The following PPARGC1A variants were observed in gnomAD, a reference collection of about 807,000 sequenced individuals.
PPARGC1A encodes peroxisome proliferator-activated receptor gamma coactivator 1-alpha.
Under a neutral mutation model 88.7 loss-of-function variants are expected in PPARGC1A, and 25 were observed. That is an observed-to-expected ratio of 0.28 (90% CI 0.21 to 0.39). PPARGC1A has a LOEUF of 0.39. PPARGC1A is among the 10% of genes least tolerant of loss of function. The pLI is 1.00. For missense variants in PPARGC1A, 880 were observed against 968.7 expected (o/e 0.91, Z 1.22); for synonymous variants, 363 against 355.6 (o/e 1.02, Z -0.24).
At chr4:24,310,272 C>T in the PPARGC1A span, among the ~76,000 whole-genome samples, 1 of 152,084 alleles carries the variant, frequency 6.6e-6, no homozygotes, top group Non-Finnish European at 1.5e-5. Context: ...AAGTTTCTCA[C>T]CTAGGATCAA....
the PPARGC1A span, among the ~76,000 whole-genome samples, chr4:24,288,663 C>T: frequency 6.6e-6 from 1 of 151,660 alleles, no homozygotes; most frequent in Admixed American, 6.6e-5. Context: ...AACAAAAGTG[C>T]AAATACAAAT....
intron 1 of PPARGC1A, chr4:23,888,920 T>G (rs1717358621): frequency 1.0e-6 from 1 of 983,972 alleles, no homozygotes; most frequent in Admixed American, 6.1e-5. Context: ...TCCATGCAAT[T>G]CAATTCGAGT....
At chr4:24,414,952 G>A in the PPARGC1A span, among the ~76,000 whole-genome samples, 5 of 152,282 alleles carry the variant, frequency 3.3e-5, no homozygotes, top group African/African-American at 1.2e-4. Context: ...CACTTTGGGA[G>A]GCCGAGGCAG....
chr4:24,235,517 C>T, the PPARGC1A span, among the ~76,000 whole-genome samples: 5 of 151,962 alleles, frequency 3.3e-5, no homozygotes, highest in Non-Finnish European at 7.4e-5. Flanking sequence ...CCTAAAGTAG[C>T]ACTGATGTTT....
chr4:24,392,142 A>G, the PPARGC1A span, among the ~76,000 whole-genome samples: 10 of 152,230 alleles, frequency 6.6e-5, no homozygotes, highest in South Asian at 4.1e-4. Flanking sequence ...CTAAAACCCA[A>G]TGAAAAAAAT....
the PPARGC1A span, among the ~76,000 whole-genome samples, chr4:24,334,179 T>C: frequency 2.0e-5 from 3 of 152,108 alleles, no homozygotes; most frequent in Non-Finnish European, 4.4e-5. Context: ...TACATTCCCA[T>C]GTAATGCCAA....
At chr4:24,018,910 G>C in the PPARGC1A span, among the ~76,000 whole-genome samples, 1 of 152,074 alleles carries the variant, frequency 6.6e-6, no homozygotes, top group African/African-American at 2.4e-5. Flanking sequence ...AGCAAAAAAA[G>C]TAATTAAAAC....
At chr4:23,853,515 G>A (rs1729675884) in intron 2 of PPARGC1A, among the ~76,000 whole-genome samples, 1 of 152,120 alleles carries the variant, frequency 6.6e-6, no homozygotes, top group Admixed American at 6.6e-5. Flanking sequence ...TTGGAGATGG[G>A]ACAGGTTTCC....
the PPARGC1A span, among the ~76,000 whole-genome samples, chr4:23,976,341 A>G: frequency 5.9e-4 from 90 of 152,320 alleles, no homozygotes; most frequent in South Asian, 1.0e-3. Flanking sequence ...ACTGAGAAAG[A>G]TAAGTGGGAT....
At chr4:24,262,084 A>G in the PPARGC1A span, among the ~76,000 whole-genome samples, 1 of 152,146 alleles carries the variant, frequency 6.6e-6, no homozygotes, top group African/African-American at 2.4e-5. Flanking sequence ...ATGCATGCCT[A>G]AGACCTGCCC....
intron 3 of PPARGC1A, 159 bp downstream of exon 3, chr4:23,831,398 C>T: frequency 1.7e-6 from 1 of 582,510 alleles, no homozygotes; most frequent in Non-Finnish European, 3.0e-6. Flanking sequence ...CACTTTTAAA[C>T]AGAGAATCAC....
the PPARGC1A span, among the ~76,000 whole-genome samples, chr4:24,229,738 G>A: frequency 6.6e-6 from 1 of 151,868 alleles, no homozygotes; most frequent in Non-Finnish European, 1.5e-5. Flanking sequence ...CGAACTACCT[G>A]GGAGGCTGAG....
the PPARGC1A span, among the ~76,000 whole-genome samples, chr4:23,978,799 C>T: frequency 6.6e-6 from 1 of 152,106 alleles, no homozygotes. Flanking sequence ...GTGTTCATCA[C>T]ATCATGTCCA....
the PPARGC1A span, among the ~76,000 whole-genome samples, chr4:24,015,562 A>G: frequency 6.6e-6 from 1 of 152,158 alleles, no homozygotes; most frequent in South Asian, 2.1e-4. Flanking sequence ...TTTCTGAGTC[A>G]AACTATCATC....
the PPARGC1A span, among the ~76,000 whole-genome samples, chr4:24,202,986 A>T: frequency 6.6e-6 from 1 of 152,262 alleles, no homozygotes. Flanking sequence ...GGTGTCTGCC[A>T]CTCGCCAGAA....
the PPARGC1A span, among the ~76,000 whole-genome samples, chr4:23,997,562 G>A: frequency 6.8e-6 from 1 of 146,140 alleles, no homozygotes; most frequent in Non-Finnish European, 1.5e-5. Flanking sequence ...GAGGGCAGTG[G>A]CATGATCTCA....
chr4:24,156,521 C>G, the PPARGC1A span, among the ~76,000 whole-genome samples: 4 of 152,022 alleles, frequency 2.6e-5, no homozygotes, highest in Admixed American at 6.6e-5. Flanking sequence ...GTGGAAAATG[C>G]TAGGTGTCCC....
the PPARGC1A span, among the ~76,000 whole-genome samples, chr4:24,121,461 C>T: frequency 6.6e-6 from 1 of 152,120 alleles, no homozygotes; most frequent in Non-Finnish European, 1.5e-5. Flanking sequence ...AGAGTAGCGA[C>T]CACGTGAATA....
the PPARGC1A span, among the ~76,000 whole-genome samples, chr4:23,913,146 C>T: frequency 7.1e-6 from 1 of 140,556 alleles, no homozygotes; most frequent in Non-Finnish European, 1.6e-5. Flanking sequence ...CACACACATA[C>T]ACTCTCTCTC....
Sources: gnomAD v4.1 joint callset for allele counts (sites outside exome capture counted in the v4.1 genomes callset) on GRCh38, gnomAD v4.1.1 for gene constraint, MANE v1.5 for transcripts, NCBI Gene and HGNC (gene_info 2026-07-23, HGNC 2026-07-21) for gene names.